CALML4: variants seen among roughly 807,000 people sequenced by gnomAD.
CALML4 encodes calmodulin like 4.
Under a neutral mutation model 17.9 loss-of-function variants are expected in CALML4, and 16 were observed. The ratio of observed to expected loss-of-function variants is 0.89; its 90% CI spans 0.61 to 1.36. The LOEUF is 1.36. CALML4 is among the 40% of genes most tolerant of loss of function. The probability of loss-of-function intolerance (pLI) is 0.00; values close to 1 mark genes in which losing one functional copy is unlikely to be tolerated. For missense variants in CALML4, 203 were observed against 194.8 expected, an observed-to-expected ratio of 1.04 and a Z score of -0.25; for synonymous variants, 86 against 71.5, an observed-to-expected ratio of 1.20 and a Z score of -1.02.
At position 68,199,603 on chromosome 15, in the gene CALML4, C is replaced by G. The variant is rs765859519; in HGVS notation, c.113G>C (p.Arg38Thr). The G allele has an allele frequency of 2.5e-6, 4 of 1,613,826 alleles. No homozygotes were observed. Among genetic ancestry groups the G allele is most frequent in the East Asian group, 2.2e-5 (1 of 44,806 alleles). The stretch of plus-strand genomic sequence containing the variant: ...TGGCGTCGGGCTGGCCCCCAGGCAC[C>G]TCATGGCCACCATGAGGTCGGTGGC... The part of the protein sequence containing the change: ...IKATDLMVAM[R>T]CLGASPTPGE... The change falls in exon 3 of 5, where the codon AGG (arginine) becomes ACG (threonine). Residue 38 changes from arginine (R) to threonine (T), a missense_variant. By Grantham distance (71) the Arg-to-Thr change is moderately conservative. Coordinates refer to ENST00000467889, the MANE Select transcript of CALML4 (RefSeq NM_033429.3).
intron 2 of CALML4, among the ~76,000 whole-genome samples, chr15:68,201,209 G>A (rs1352962234): frequency 2.6e-5 from 4 of 152,238 alleles, no homozygotes; most frequent in Non-Finnish European, 5.9e-5. Context: ...TGCCCTTTCA[G>A]AACATTCCAG....
chr15:68,204,852 G>A lies in CALML4; in HGVS notation c.34+269C>T, dbSNP rs1243689587. 1.3e-5 allele frequency among the ~76,000 whole-genome samples: 2 copies of A among 152,044 alleles called. No individual in the cohort carries two copies. The highest frequency in any genetic ancestry group is 4.8e-5 in the African/African-American group (2 of 41,394). On this transcript the variant is annotated intron_variant, in intron 2 of 4. Transcript: ENST00000467889. This position sits in a 1 kb window ranked among gnomAD's most constrained non-coding sequence, Gnocchi z 6.0. ...TCCCCTCAGTCCCCAAATCCAACTG[G>A]TCAGGTTCTGGAGGGAAACCTAGTA...
intron 4 of CALML4, among the ~76,000 whole-genome samples, chr15:68,196,960 TCGACCTCAGCA>T (rs1445411726): frequency 8.7e-6 from 1 of 114,736 alleles, no homozygotes; most frequent in African/African-American, 3.5e-5. Flanking sequence ...ATTCGGAAAC[TCGACCTCAGCA>T]GCAACTGCAG....
Position 68,205,080 on chromosome 15 carries a change from T to C in CALML4, c.34+41A>G. On this transcript the variant is annotated intron_variant, in intron 2 of 4. Coordinates refer to ENST00000467889, the MANE Select transcript of CALML4 (RefSeq NM_033429.3). This position sits in a 1 kb window ranked among gnomAD's most constrained non-coding sequence, Gnocchi z 4.8. ...AGAGCAAATTGCCTAATGAGACCCATATTTTGCTGAGTTGCTAATCAAAGA... is the reference window on the plus strand; with the variant it reads ...AGAGCAAATTGCCTAATGAGACCCACATTTTGCTGAGTTGCTAATCAAAGA... 1 of 1,610,028 alleles carries C rather than the reference T, an allele frequency of 6.2e-7. No individual in the cohort carries two copies. The highest frequency in any genetic ancestry group is 8.5e-7 in the Non-Finnish European group (1 of 1,176,626).
chr15:68,199,564 C>T lies in CALML4; in HGVS notation c.152G>A (p.Arg51Gln), dbSNP rs200550067. Reference sequence around the variant, plus strand: ...ACCTATCCCGTGGGTCTGCAGGTGCCGCTGCACCTCCCCTGGCGTCGGGCT... The same window carrying T: ...ACCTATCCCGTGGGTCTGCAGGTGCTGCTGCACCTCCCCTGGCGTCGGGCT... ...GASPTPGEVQ[R>Q]HLQTHGIDGN... The change falls in exon 3 of 5, where the codon CGG becomes CAG. Residue 51 changes from arginine to glutamine, a missense_variant. Coordinates refer to ENST00000467889, the MANE Select transcript of CALML4 (RefSeq NM_033429.3). 44 of 1,613,676 alleles carry T rather than the reference C, an allele frequency of 2.7e-5. No homozygotes were observed. Among genetic ancestry groups the T allele is most frequent in the Middle Eastern group, 1.7e-4 (1 of 6,044 alleles).
At position 68,205,153 on chromosome 15, in the gene CALML4, T is replaced by C. The variant is rs2093178289; in HGVS notation, c.4-2A>G. On this transcript the variant is annotated splice_acceptor_variant, in intron 1 of 4. Transcript: ENST00000467889. LOFTEE classifies it high-confidence loss of function. This position sits in a 1 kb window ranked among gnomAD's most constrained non-coding sequence, Gnocchi z 4.8. ...TTGGTCTTGGGAAAGAAACTTGGCC[T>C]GCAGCAGAGAAAGGAAAACAGTCAG... 5 of 1,614,162 alleles carry C rather than the reference T, an allele frequency of 3.1e-6. No homozygotes were observed. Among genetic ancestry groups the C allele is most frequent in the South Asian group, 1.1e-5 (1 of 91,084 alleles).
At chr15:68,199,930 A>G (rs1487537440) in intron 2 of CALML4, 2 of 321,566 alleles carry the variant, frequency 6.2e-6, no homozygotes, top group Non-Finnish European at 1.1e-5. Flanking sequence ...ATATACTTCT[A>G]TTGGAAAAGT....
intron 2 of CALML4, among the ~76,000 whole-genome samples, chr15:68,201,415 C>T (rs1486635528): frequency 6.6e-6 from 1 of 152,224 alleles, no homozygotes. Context: ...AGAGGGCTGC[C>T]CCAATCACAG....
At chr15:68,205,335 C>T, upstream of CALML4, 3 of 1,614,092 alleles carry the variant, frequency 1.9e-6, no homozygotes, top group Non-Finnish European at 2.5e-6. The surrounding 1 kb of genome is among the most constrained non-coding windows in gnomAD (Gnocchi z 4.8). Context: ...TAAAGTCTGC[C>T]AAGCTGGGTG....
At chr15:68,194,619 G>A (rs2093135168) in intron 4 of CALML4, among the ~76,000 whole-genome samples, 1 of 151,968 alleles carries the variant, frequency 6.6e-6, no homozygotes, top group African/African-American at 2.4e-5. Context: ...CCTGACCTCA[G>A]GTGAGCCATC....
upstream of CALML4, chr15:68,205,739 C>T (rs896705889): frequency 1.5e-5 from 4 of 268,154 alleles, no homozygotes; most frequent in East Asian, 8.5e-5. This position sits in a 1 kb window ranked among gnomAD's most constrained non-coding sequence, Gnocchi z 4.8. Context: ...CACCGGGGCT[C>T]GCAGGCTTGG....
rs145119650 is a variant in CALML4, at chr15:68,204,104, G to C, written c.34+1017C>G. On this transcript the variant is annotated intron_variant, in intron 2 of 4. Coordinates refer to ENST00000467889, the MANE Select transcript of CALML4 (RefSeq NM_033429.3). The surrounding 1 kb of genome is among the most constrained non-coding windows in gnomAD (Gnocchi z 6.0). ...CTGCTCCTGCCCTGGCCCTCCTCTTGGGATAAAGAGTTCCAGGGTTCTACG... is the reference window on the plus strand; with the variant it reads ...CTGCTCCTGCCCTGGCCCTCCTCTTCGGATAAAGAGTTCCAGGGTTCTACG... 2.6e-3 allele frequency among the ~76,000 whole-genome samples: 395 copies of C among 152,162 alleles called. 2 individuals carry two copies. Among genetic ancestry groups the C allele is most frequent in the African/African-American group, 9.0e-3 (375 of 41,528 alleles).
rs1233969853 is a variant in CALML4 at position 68,193,379 on chromosome 15, C to CT, written c.*635dup. Reference sequence around the variant, plus strand: ...CACTCTAGTGTTTTCACTCTACACTCTGTGTTTATGAATGAATAGCCTGAG... The same window carrying CT: ...CACTCTAGTGTTTTCACTCTACACTCTTGTGTTTATGAATGAATAGCCTGAG... On this transcript the variant is annotated 3_prime_UTR_variant, in exon 5 of 5. Coordinates refer to ENST00000467889, the MANE Select transcript of CALML4 (RefSeq NM_033429.3). The CT allele has an allele frequency of 2.6e-5, 4 of 152,400 alleles. No individual in the cohort carries two copies. The highest frequency in any genetic ancestry group is 2.1e-4 in the South Asian group (1 of 4,836). 9.4% of individuals were successfully genotyped at this position (152,400 alleles called of 1,614,324 possible).
Position 68,205,240 on chromosome 15 carries a change from C to T in CALML4, c.3+5G>A. 1.2e-6 allele frequency: 2 copies of T among 1,614,196 alleles called. No individual in the cohort carries two copies. Among genetic ancestry groups the T allele is most frequent in the South Asian group, 1.1e-5 (1 of 91,090 alleles). ...GGCCAGGCCGACACAGACCCTCACA[C>T]TCACCATTCTGGGGCCTCGGCTGCT... is the stretch of plus-strand genomic sequence containing the variant. On this transcript the variant is annotated splice_donor_5th_base_variant and intron_variant, in intron 1 of 4. Coordinates refer to ENST00000467889, the MANE Select transcript of CALML4 (RefSeq NM_033429.3). The surrounding 1 kb of genome is among the most constrained non-coding windows in gnomAD (Gnocchi z 4.8).
At position 68,197,571 on chromosome 15, in the gene CALML4, T is replaced by G; in HGVS notation, c.233A>C (p.Lys78Thr). 6.2e-7 allele frequency: 1 copy of G among 1,614,148 alleles called. No homozygotes were observed. ...AATTTCTTTCTTTGGGTCTTCTTGT[T>G]TTATTTGCATGTGCATAATGGTCAG... Reference protein sequence around the residue: ...TFLTIMHMQIKQEDPKKEILL... With the variant: ...TFLTIMHMQITQEDPKKEILL... Residue 78 changes from lysine to threonine, a missense_variant, in exon 4 of 5, where the codon AAA becomes ACA. Lys to Thr is a moderately conservative substitution (Grantham distance 78). Transcript: ENST00000467889. This position sits in a 1 kb window ranked among gnomAD's most constrained non-coding sequence, Gnocchi z 4.1.
At chr15:68,202,806 G>GC (rs1406127166) in intron 2 of CALML4, among the ~76,000 whole-genome samples, 9 of 126,232 alleles carry the variant, frequency 7.1e-5, no homozygotes, top group African/African-American at 3.0e-4. Flanking sequence ...ACCATGACCG[G>GC]CTTTTTTTTT....
In CALML4 at chr15:68,204,638, C is replaced by A. The variant is rs1395324967; in HGVS notation, c.34+483G>T. Among the ~76,000 whole-genome samples, 1 of 152,216 alleles carries A rather than the reference C, an allele frequency of 6.6e-6. No individual in the cohort carries two copies. Among genetic ancestry groups the A allele is most frequent in the Non-Finnish European group, 1.5e-5 (1 of 68,020 alleles). On this transcript the variant is annotated intron_variant, in intron 2 of 4. Transcript: ENST00000467889. The surrounding 1 kb of genome is among the most constrained non-coding windows in gnomAD (Gnocchi z 6.0). Reference sequence around the variant, plus strand: ...GGGAATAAAGTGCTCACGCCCAAACCAGGCTTGATGCCAGGGCAAAGGGGG... The same window carrying A: ...GGGAATAAAGTGCTCACGCCCAAACAAGGCTTGATGCCAGGGCAAAGGGGG...
intron 2 of CALML4, among the ~76,000 whole-genome samples, chr15:68,203,386 T>A (rs2093171871): frequency 6.6e-6 from 1 of 152,282 alleles, no homozygotes; most frequent in Admixed American, 6.5e-5. Context: ...TGTGATCTAC[T>A]GTTAAACTAT....
rs1479725473 is a variant in CALML4 at position 68,193,201 on chromosome 15, G to C, written c.*814C>G. 1 of 152,408 alleles carries C rather than the reference G, an allele frequency of 6.6e-6. No homozygotes were observed. Among genetic ancestry groups the C allele is most frequent in the African/African-American group, 2.4e-5 (1 of 41,472 alleles). 9.4% of individuals were successfully genotyped at this position (152,408 alleles called of 1,614,324 possible). ...GCCTGTTAACAGAGCCCAGGGAACAGCTCGGAATTCTCACAGCATTGGAAG... is the reference window on the plus strand; with the variant it reads ...GCCTGTTAACAGAGCCCAGGGAACACCTCGGAATTCTCACAGCATTGGAAG... On this transcript the variant is annotated 3_prime_UTR_variant, in exon 5 of 5. Transcript: ENST00000467889.
Sources: gnomAD v4.1 joint callset for allele counts (sites outside exome capture counted in the v4.1 genomes callset) on GRCh38, gnomAD v4.1.1 for gene constraint, Gnocchi (gnomAD v3.1) non-coding constraint, MANE v1.5 for transcripts, NCBI Gene and HGNC (gene_info 2026-07-23, HGNC 2026-07-21) for gene names.